MAX: variants seen among roughly 807,000 people sequenced by gnomAD.
MAX encodes the protein MYC associated transcriptional regulator X, also known as protein max.
Under a neutral mutation model 22.3 loss-of-function variants are expected in MAX, and 3 were observed. The ratio of observed to expected loss-of-function variants is 0.13; its 90% CI spans 0.06 to 0.35. The LOEUF (loss-of-function observed/expected upper bound fraction) is 0.35. Ranked by LOEUF, MAX falls within the 10% of genes least tolerant of loss-of-function variation. The probability of loss-of-function intolerance (pLI) is 1.00; values close to 1 mark genes in which losing one functional copy is unlikely to be tolerated. For synonymous variants in MAX, 72 were observed against 77.7 expected, an observed-to-expected ratio of 0.93 and a Z score of 0.39; for missense variants, 119 against 209.4, an observed-to-expected ratio of 0.57 and a Z score of 2.66.
rs566549220 is a variant in MAX at position 65,078,733 on chromosome 14, T to C, written c.172-697A>G. Among the ~76,000 whole-genome samples the C allele has an allele frequency of 1.3e-5, 2 of 152,282 alleles. No homozygotes were observed. Among genetic ancestry groups the C allele is most frequent in the African/African-American group, 2.4e-5 (1 of 41,554 alleles). ...TTAATAAAGATGGGGTTTCACCATGTTGGCCAGACTGGTCTCAAACTCCTC... is the reference window on the plus strand; with the variant it reads ...TTAATAAAGATGGGGTTTCACCATGCTGGCCAGACTGGTCTCAAACTCCTC... On this transcript the variant is annotated intron_variant, in intron 3 of 4. Transcript: ENST00000358664. This position sits in a 1 kb window ranked among gnomAD's most constrained non-coding sequence, Gnocchi z 6.4.
intron 3 of MAX, among the ~76,000 whole-genome samples, chr14:65,042,828 T>A (rs74952288): frequency 0.017 from 2,575 of 152,336 alleles, 44 homozygotes; most frequent in African/African-American, 0.039. Context: ...CTGCTTTCTC[T>A]CTGCCTGAGT....
chr14:65,011,274 C>G lies in MAX; in HGVS notation c.172-4990G>C, dbSNP rs1399251168. 1.3e-5 allele frequency among the ~76,000 whole-genome samples: 2 copies of G among 151,950 alleles called. No homozygotes were observed. The highest frequency in any genetic ancestry group is 2.9e-5 in the Non-Finnish European group (2 of 67,954). On this transcript the variant is annotated intron_variant, in intron 3 of 3. Coordinates refer to the MAX transcript ENST00000341653. This position sits in a 1 kb window ranked among gnomAD's most constrained non-coding sequence, Gnocchi z 4.0. ...GAAACCCCCGTCTCCACTAAAAATA[C>G]AAAAATTAGCTGGGTGTGGTGGCAC...
intron 3 of MAX, among the ~76,000 whole-genome samples, chr14:65,064,023 A>G (rs1172831652): frequency 6.6e-6 from 1 of 152,186 alleles, no homozygotes; most frequent in Non-Finnish European, 1.5e-5. Context: ...TGAACACCAG[A>G]TAAGTTGGGA....
At position 65,075,617 on chromosome 14, in the gene MAX, C is replaced by A. The variant is rs1328687328; in HGVS notation, c.*859G>T. Reference sequence around the variant, plus strand: ...TCATCAGAAATAGGTACAATTCACTCAGATTCAAATTTAAGTAGCAGGAAA... The same window carrying A: ...TCATCAGAAATAGGTACAATTCACTAAGATTCAAATTTAAGTAGCAGGAAA... On this transcript the variant is annotated 3_prime_UTR_variant, in exon 5 of 5. Coordinates refer to ENST00000358664, the MANE Select transcript of MAX (RefSeq NM_002382.5). The surrounding 1 kb of genome is among the most constrained non-coding windows in gnomAD (Gnocchi z 4.1). 1.9e-6 allele frequency: 2 copies of A among 1,066,392 alleles called. No homozygotes were observed. Among genetic ancestry groups the A allele is most frequent in the Non-Finnish European group, 2.3e-6 (2 of 879,718 alleles). The allele number at this position is 1,066,392 out of a possible 1,614,324, so 66.1% of individuals were successfully genotyped here. A position where few individuals can be genotyped will look rare whatever the true frequency, so the allele number is the denominator to read the frequency against.
At chr14:65,067,196 A>G (rs2139714145) in intron 3 of MAX, among the ~76,000 whole-genome samples, 1 of 152,090 alleles carries the variant, frequency 6.6e-6, no homozygotes. Context: ...AAAAAAAAAA[A>G]AAAGCATTTT....
downstream of MAX, among the ~76,000 whole-genome samples, chr14:65,072,412 G>C (rs1183931984): frequency 1.3e-5 from 2 of 152,282 alleles, no homozygotes; most frequent in South Asian, 2.1e-4. Context: ...CAGCTCTAAG[G>C]GTTGAACTAT....
Position 65,102,428 on chromosome 14 carries a change from G to A in MAX, c.-89C>T, listed in dbSNP as rs981864664. On this transcript the variant is annotated 5_prime_UTR_variant, in exon 1 of 5. Transcript: ENST00000358664. ...GGGAAGTCACCGACAACAACAAGCC[G>A]AGTCCCCCCCACACACACACTCACT... The A allele has an allele frequency of 1.3e-6, 2 of 1,560,088 alleles. No individual in the cohort carries two copies. Among genetic ancestry groups the A allele is most frequent in the Non-Finnish European group, 1.7e-6 (2 of 1,155,054 alleles).
chr14:65,095,263 T>C (rs151207031), intron 2 of MAX, among the ~76,000 whole-genome samples: 58 of 152,348 alleles, frequency 3.8e-4, no homozygotes, highest in Admixed American at 2.1e-3. Flanking sequence ...TGGTTCTCCA[T>C]AGCATATCTC....
rs545008775 is a variant in MAX, at chr14:65,027,370, A to G, written c.172-21086T>C. 1.9e-6 allele frequency: 3 copies of G among 1,568,068 alleles called. No individual in the cohort carries two copies. In the African/African-American group the frequency reaches 4.1e-5, roughly 21 times the overall value. ...TTTTGAGGGAGTGGGGGATCATTGG[A>G]AAGGCCTGGAATCTAGTGGGAATTT... is the stretch of plus-strand genomic sequence containing the variant. On this transcript the variant is annotated intron_variant, in intron 3 of 3. Transcript: ENST00000341653. The surrounding 1 kb of genome is among the most constrained non-coding windows in gnomAD (Gnocchi z 5.7).
At chr14:65,080,643 C>A (rs762806079) in intron 3 of MAX, among the ~76,000 whole-genome samples, 1 of 152,222 alleles carries the variant, frequency 6.6e-6, no homozygotes, top group Non-Finnish European at 1.5e-5. Flanking sequence ...CCCCATCTAG[C>A]CCTCCAAAGT....
chr14:65,040,669 A>G (rs545500181), intron 3 of MAX: 9 of 1,158,592 alleles, frequency 7.8e-6, no homozygotes, highest in Middle Eastern at 3.5e-4. Flanking sequence ...CTTTTCATTC[A>G]TAGTTGTGAT....
chr14:65,009,187 C>T lies in MAX; in HGVS notation c.172-2903G>A, dbSNP rs1240612020. On this transcript the variant is annotated intron_variant, in intron 3 of 3. Transcript: ENST00000341653. This position sits in a 1 kb window ranked among gnomAD's most constrained non-coding sequence, Gnocchi z 4.2. ...GAGGGTATTAGTCAGCTTGGGCTGC[C>T]ATAAGACGGTATCACAGATGGGGTG... is the stretch of plus-strand genomic sequence containing the variant. Among the ~76,000 whole-genome samples, 1 of 152,096 alleles carries T rather than the reference C, an allele frequency of 6.6e-6. No homozygotes were observed. Among genetic ancestry groups the T allele is most frequent in the Non-Finnish European group, 1.5e-5 (1 of 68,004 alleles).
intron 3 of MAX, chr14:65,089,890 A>AGT: frequency 1.3e-5 from 2 of 149,792 alleles, no homozygotes; most frequent in Non-Finnish European, 3.0e-5. Flanking sequence ...TATTGTTCCC[A>AGT]GTGGAACAAC....
intron 3 of MAX, among the ~76,000 whole-genome samples, chr14:65,038,281 G>A (rs749910237): frequency 6.6e-6 from 1 of 151,682 alleles, no homozygotes; most frequent in Non-Finnish European, 1.5e-5. Context: ...GTGGTGGTGG[G>A]TACCTGTAAT....
rs535289905 is a variant in MAX at position 65,084,327 on chromosome 14, T to C, written c.172-6291A>G. ...AGTAAATAAACATGTGGAAAAGCAATTAATTTCACAAGTAATAAATAGAAT... is the reference window on the plus strand; with the variant it reads ...AGTAAATAAACATGTGGAAAAGCAACTAATTTCACAAGTAATAAATAGAAT... On this transcript the variant is annotated intron_variant, in intron 3 of 4. Transcript: ENST00000358664. This position sits in a 1 kb window ranked among gnomAD's most constrained non-coding sequence, Gnocchi z 4.3. 11 of 1,285,640 alleles carry C rather than the reference T, an allele frequency of 8.6e-6. No individual in the cohort carries two copies. The highest frequency in any genetic ancestry group is 8.3e-5 in the South Asian group (7 of 84,442). The allele number at this position is 1,285,640 out of a possible 1,614,324, so 79.6% of individuals were successfully genotyped here.
chr14:65,098,023 T>G (rs2063718416), intron 2 of MAX, among the ~76,000 whole-genome samples: 2 of 152,268 alleles, frequency 1.3e-5, no homozygotes, highest in Admixed American at 1.3e-4. Flanking sequence ...GGCCTCATAC[T>G]ATAGCCATTT....
rs143519658 is a variant in MAX, at chr14:65,040,991, G to T, written c.172-34707C>A. ...GATGTGATTGTACTCAGACATGCAG[G>T]CTTCAGGAGAGTTTGGCTATGGGAA... On this transcript the variant is annotated intron_variant, in intron 3 of 3. Coordinates refer to the MAX transcript ENST00000341653. 3.8e-5 allele frequency: 59 copies of T among 1,571,534 alleles called. No homozygotes were observed. In the African/African-American group the frequency reaches 7.6e-4, roughly 20 times the overall value.
At position 65,077,097 on chromosome 14, in the gene MAX, A is replaced by G. The variant is rs2063079989; in HGVS notation, c.296-434T>C. On this transcript the variant is annotated intron_variant, in intron 4 of 4. Transcript: ENST00000358664. This position sits in a 1 kb window ranked among gnomAD's most constrained non-coding sequence, Gnocchi z 6.3. ...ATCAGCCAAAGAACAGTTTTGGCTT[A>G]GCTCTCGTGTACAAGATCCACTTGG... 3 of 584,642 alleles carry G rather than the reference A, an allele frequency of 5.1e-6. No individual in the cohort carries two copies. The highest frequency in any genetic ancestry group is 9.1e-6 in the Non-Finnish European group (3 of 331,038). The allele number at this position is 584,642 out of a possible 1,614,324, so 36.2% of individuals were successfully genotyped here.
intron 3 of MAX, among the ~76,000 whole-genome samples, chr14:65,083,167 G>A (rs919734052): frequency 1.4e-4 from 22 of 152,182 alleles, no homozygotes; most frequent in Admixed American, 1.2e-3. Context: ...AGCAGACAGA[G>A]GGAAGGCCAA....
Sources: allele counts gnomAD v4.1 joint callset (sites outside exome capture counted in the v4.1 genomes callset), GRCh38; gene constraint gnomAD v4.1.1; non-coding constraint Gnocchi (gnomAD v3.1); transcripts MANE v1.5; gene names NCBI Gene and HGNC (gene_info 2026-07-23, HGNC 2026-07-21).